The following NHSL1 variants were observed in gnomAD, a reference collection of about 807,000 sequenced individuals.
NHSL1 encodes NHS like 1.
NHSL1 carries 48 observed loss-of-function variants against 95.0 expected under a neutral mutation model. That is an observed-to-expected ratio of 0.51 (90% CI 0.40 to 0.64). The LOEUF is 0.64. NHSL1 is among the 30% of genes least tolerant of loss of function. NHSL1 has a pLI of 0.00. For synonymous variants in NHSL1, 783 were observed against 833.9 expected (o/e 0.94, Z 1.05); for missense variants, 1,971 against 2,077.7 (o/e 0.95, Z 1.00).
chr6:138,506,516 T>A (rs932402147), intron 1 of NHSL1, among the ~76,000 whole-genome samples: 2 of 152,178 alleles, frequency 1.3e-5, no homozygotes, highest in Non-Finnish European at 2.9e-5. Flanking sequence ...GAATTCCAGA[T>A]AGATAAAAAA....
chr6:138,516,564 G>C (rs1171373564), intron 1 of NHSL1, among the ~76,000 whole-genome samples: 2 of 152,086 alleles, frequency 1.3e-5, no homozygotes, highest in African/African-American at 4.8e-5. Flanking sequence ...CTCTCAGTTA[G>C]CAATGGTTGA....
intron 1 of NHSL1, among the ~76,000 whole-genome samples, chr6:138,510,996 G>T (rs944857551): frequency 1.5e-4 from 23 of 152,152 alleles, no homozygotes; most frequent in African/African-American, 5.3e-4. Context: ...TGGAAGGGAA[G>T]GAAGGTGCAT....
chr6:138,576,707 C>G (rs930975202), upstream of NHSL1, among the ~76,000 whole-genome samples: 2 of 152,310 alleles, frequency 1.3e-5, no homozygotes, highest in East Asian at 1.9e-4. Flanking sequence ...GCCAGCACCC[C>G]CCTCCTTCAC....
At chr6:138,636,933 T>C (rs530080782) in intron 1 of NHSL1, among the ~76,000 whole-genome samples, 7 of 152,170 alleles carry the variant, frequency 4.6e-5, no homozygotes, top group Middle Eastern at 3.4e-3. Context: ...TATGGAACCA[T>C]GAAAGACCCA....
intron 1 of NHSL1, chr6:138,650,422 T>G: frequency 7.0e-7 from 1 of 1,423,798 alleles, no homozygotes; most frequent in South Asian, 1.1e-5. Context: ...TAGGTCAGCA[T>G]GCTCACTGCA....
intron 1 of NHSL1, among the ~76,000 whole-genome samples, chr6:138,598,380 C>T (rs572278506): frequency 2.9e-4 from 44 of 151,888 alleles, no homozygotes; most frequent in Non-Finnish European, 5.3e-4. Context: ...ATCGCTTGAG[C>T]CTGGGAGGCG....
chr6:138,564,324 A>G (rs2114341583), intron 1 of NHSL1, among the ~76,000 whole-genome samples: 1 of 152,208 alleles, frequency 6.6e-6, no homozygotes, highest in Middle Eastern at 3.4e-3. Flanking sequence ...CCTTTGATCC[A>G]TCCTTGTTCC....
intron 3 of NHSL1, among the ~76,000 whole-genome samples, chr6:138,459,022 A>G (rs981802504): frequency 7.2e-5 from 11 of 152,082 alleles, no homozygotes; most frequent in African/African-American, 2.7e-4. Flanking sequence ...TTGAGAAAAG[A>G]GTCTTGCTCT....
chr6:138,643,571 T>C (rs574116095), intron 1 of NHSL1, among the ~76,000 whole-genome samples: 1 of 152,384 alleles, frequency 6.6e-6, no homozygotes, highest in Non-Finnish European at 1.5e-5. Context: ...CTATATGTGT[T>C]GCATAAGATG....
intron 1 of NHSL1, among the ~76,000 whole-genome samples, chr6:138,534,521 A>G (rs971401714): frequency 3.9e-5 from 6 of 152,196 alleles, no homozygotes; most frequent in Non-Finnish European, 7.3e-5. Flanking sequence ...TTCATCACAC[A>G]TCAACCTCAG....
intron 2 of NHSL1, among the ~76,000 whole-genome samples, chr6:138,478,800 T>A (rs1419632303): frequency 6.6e-6 from 1 of 152,260 alleles, no homozygotes; most frequent in Non-Finnish European, 1.5e-5. Context: ...GGTATCACTG[T>A]TGGTTGTGTC....
intron 1 of NHSL1, among the ~76,000 whole-genome samples, chr6:138,672,232 C>T (rs904566167): frequency 1.2e-4 from 18 of 152,052 alleles, no homozygotes; most frequent in Non-Finnish European, 2.1e-4. Context: ...TCCTCTACAA[C>T]CATTGGGGAA....
At chr6:138,468,315 A>G (rs1285700749) in intron 3 of NHSL1, among the ~76,000 whole-genome samples, 2 of 152,194 alleles carry the variant, frequency 1.3e-5, no homozygotes, top group Non-Finnish European at 2.9e-5. Context: ...TATCTAGAGT[A>G]TTCAGTATAA....
In NHSL1 at chr6:138,424,083, A is replaced by C; in HGVS notation, c.4819T>G (p.Ter1607GluextTer9). The C allele has an allele frequency of 3.7e-6, 5 of 1,365,506 alleles. No individual in the cohort carries two copies. The highest frequency in any genetic ancestry group is 2.0e-5 in the South Asian group (1 of 49,788). 84.6% of individuals were successfully genotyped at this position (1,365,506 alleles called of 1,614,324 possible). A position where few individuals can be genotyped will look rare whatever the true frequency, so the allele number is the denominator to read the frequency against. Reference protein sequence around the residue: ...QCGGSLSEES* With the variant: ...QCGGSLSEESE Reference sequence around the variant, plus strand: ...CTGGGAGAGTTACGTTCTTGGCCCTAACTCTCCTCGCTCAGAGAACCGCCA... The same window carrying C: ...CTGGGAGAGTTACGTTCTTGGCCCTCACTCTCCTCGCTCAGAGAACCGCCA... Residue 1607 changes from the stop codon to glutamate (E), a stop_lost, in exon 8 of 8, where the codon TAG becomes GAG. Coordinates refer to ENST00000343505, the MANE Select transcript of NHSL1 (RefSeq NM_001144060.2). This position sits in a 1 kb window ranked among gnomAD's most constrained non-coding sequence, Gnocchi z 5.9.
At chr6:138,650,138 A>T in intron 1 of NHSL1, 2 of 537,122 alleles carry the variant, frequency 3.7e-6, no homozygotes, top group East Asian at 5.2e-5. Flanking sequence ...GTTGGGTTGG[A>T]GTCATCTTGC....
intron 7 of NHSL1, among the ~76,000 whole-genome samples, chr6:138,425,975 T>C (rs1384341433): frequency 1.3e-5 from 2 of 152,146 alleles, no homozygotes; most frequent in African/African-American, 2.4e-5. Context: ...AAGCTGAAGG[T>C]TTCCTGTAGG....
intron 1 of NHSL1, among the ~76,000 whole-genome samples, chr6:138,596,077 G>A (rs556230397): frequency 4.6e-5 from 7 of 152,162 alleles, no homozygotes; most frequent in Non-Finnish European, 1.0e-4. Context: ...CAGGTCTTAT[G>A]CAAAGGAAAA....
chr6:138,592,325 A>G (rs116177806), intron 1 of NHSL1, among the ~76,000 whole-genome samples: 1,776 of 152,312 alleles, frequency 0.012, 25 homozygotes, highest in African/African-American at 0.041. Context: ...TAGGCCAGGC[A>G]CGGTAGCTCA....
rs556075609 is a variant in NHSL1 at position 138,608,027 on chromosome 6, G to A, written c.96+84449C>T. 2.4e-4 allele frequency among the ~76,000 whole-genome samples: 37 copies of A among 152,320 alleles called. 2 individuals are homozygous for A. In the Middle Eastern group the frequency reaches 0.01, roughly 42 times the overall value. On this transcript the variant is annotated intron_variant, in intron 1 of 3. Transcript: ENST00000491526. ...GCTAACCTTCAACCCTGTCAGCTTC[G>A]CTCACTGTCTAGCTGCAGGACCAAG...
Sources: allele counts gnomAD v4.1 joint callset (sites outside exome capture counted in the v4.1 genomes callset), GRCh38; gene constraint gnomAD v4.1.1; non-coding constraint Gnocchi (gnomAD v3.1); transcripts MANE v1.5; gene names NCBI Gene and HGNC (gene_info 2026-07-23, HGNC 2026-07-21).